The following ADAMTS6 variants were observed in gnomAD, a reference collection of about 807,000 sequenced individuals.
ADAMTS6 encodes A disintegrin and metalloproteinase with thrombospondin motifs 6.
ADAMTS6 carries 23 observed loss-of-function variants against 144.3 expected under a neutral mutation model. The observed-to-expected ratio is 0.16, with a 90% CI of 0.11 to 0.23. The LOEUF (loss-of-function observed/expected upper bound fraction) is 0.23, where lower values mean the gene tolerates loss of function less well. ADAMTS6 is among the 10% of genes least tolerant of loss of function. The probability of loss-of-function intolerance (pLI) is 1.00; values close to 1 mark genes in which losing one functional copy is unlikely to be tolerated. For synonymous variants in ADAMTS6, 444 were observed against 457.5 expected (o/e 0.97, Z 0.38); for missense variants, 999 against 1,379.6 (o/e 0.72, Z 4.37).
chr5:65,359,908 G>A (rs1478449444), intron 7 of ADAMTS6, among the ~76,000 whole-genome samples: 3 of 152,096 alleles, frequency 2.0e-5, no homozygotes, highest in Non-Finnish European at 4.4e-5. Context: ...GGATACATAC[G>A]TTTTCGAGAT....
Position 65,215,501 on chromosome 5 carries a change from C to CA in ADAMTS6, c.2273-15dup. On this transcript the variant is annotated splice_polypyrimidine_tract_variant and intron_variant, in intron 18 of 24. Coordinates refer to ENST00000381055, the MANE Select transcript of ADAMTS6 (RefSeq NM_197941.4). ...CAGATTTTAAAGCTAGAAAACAAAT[C>CA]ACAATTCACCTAAAAATGTGAAATT... 6.3e-7 allele frequency: 1 copy of CA among 1,594,012 alleles called. No individual in the cohort carries two copies. Among genetic ancestry groups the CA allele is most frequent in the Non-Finnish European group, 8.5e-7 (1 of 1,171,498 alleles).
chr5:65,443,776 A>T lies in ADAMTS6; in HGVS notation c.1073+7699T>A, dbSNP rs544602022. 3.6e-4 allele frequency among the ~76,000 whole-genome samples: 48 copies of T among 135,164 alleles called. 1 individual carries two copies. The highest frequency in any genetic ancestry group is 2.8e-3 in the East Asian group (13 of 4,618). 88.7% of individuals were successfully genotyped at this position (135,164 alleles called of 152,430 possible). ...ATATTCCAACACCCATTCCTGATTT[A>T]AAAAAAAAAAAAACTCTCAGCAAAC... On this transcript the variant is annotated intron_variant, in intron 7 of 24. Coordinates refer to ENST00000381055, the MANE Select transcript of ADAMTS6 (RefSeq NM_197941.4).
chr5:65,178,693 A>C (rs1323064691), intron 22 of ADAMTS6, among the ~76,000 whole-genome samples: 1 of 152,218 alleles, frequency 6.6e-6, no homozygotes, highest in South Asian at 2.1e-4. Flanking sequence ...TTAGCACAAG[A>C]AGCAGATAAA....
intron 7 of ADAMTS6, among the ~76,000 whole-genome samples, chr5:65,437,282 G>C (rs1185330255): frequency 6.6e-6 from 1 of 151,994 alleles, no homozygotes; most frequent in Non-Finnish European, 1.5e-5. Context: ...TTTTAGTAGA[G>C]ACAGGGTCTC....
intron 7 of ADAMTS6, among the ~76,000 whole-genome samples, chr5:65,345,941 G>GCA (rs545363915): frequency 1.6e-4 from 24 of 151,758 alleles, no homozygotes; most frequent in Non-Finnish European, 3.0e-4. Flanking sequence ...TGCCATTCTG[G>GCA]CACTCAAAAA....
intron 4 of ADAMTS6, among the ~76,000 whole-genome samples, chr5:65,458,859 T>G (rs1215381187): frequency 6.6e-6 from 1 of 152,204 alleles, no homozygotes; most frequent in Non-Finnish European, 1.5e-5. Context: ...AATAACACTT[T>G]AGTGTACTAG....
intron 21 of ADAMTS6, among the ~76,000 whole-genome samples, chr5:65,191,080 T>C (rs1232685155): frequency 6.6e-6 from 1 of 152,144 alleles, no homozygotes; most frequent in Non-Finnish European, 1.5e-5. Flanking sequence ...TCTGGGAATA[T>C]AAATTGCCGA....
intron 10 of ADAMTS6, among the ~76,000 whole-genome samples, chr5:65,297,855 C>CATCT (rs1742992710): frequency 6.6e-6 from 1 of 152,120 alleles, no homozygotes; most frequent in Admixed American, 6.6e-5. Context: ...TTGTGCTTCA[C>CATCT]ATCTATCTTT....
intron 8 of ADAMTS6, among the ~76,000 whole-genome samples, chr5:65,333,122 T>G (rs1746937504): frequency 6.6e-6 from 1 of 152,160 alleles, no homozygotes; most frequent in South Asian, 2.1e-4. Flanking sequence ...TCATAACTAT[T>G]GTTTTACAGA....
chr5:65,479,270 G>GCT (rs1386579552), intron 1 of ADAMTS6, among the ~76,000 whole-genome samples: 1 of 151,952 alleles, frequency 6.6e-6, no homozygotes, highest in Non-Finnish European at 1.5e-5. Flanking sequence ...ACACAATTAG[G>GCT]CTCTAAGTAT....
chr5:65,256,844 T>C (rs748984521), intron 14 of ADAMTS6, among the ~76,000 whole-genome samples: 1 of 152,140 alleles, frequency 6.6e-6, no homozygotes, highest in Non-Finnish European at 1.5e-5. Flanking sequence ...ATATTGTAGA[T>C]AGGTATTCAG....
At chr5:65,193,409 G>C (rs1755134242) in intron 21 of ADAMTS6, among the ~76,000 whole-genome samples, 1 of 151,758 alleles carries the variant, frequency 6.6e-6, no homozygotes, top group African/African-American at 2.4e-5. Context: ...AGTTCAATAG[G>C]ACAGGCCATG....
At chr5:65,461,076 G>T (rs565833934) in intron 3 of ADAMTS6, among the ~76,000 whole-genome samples, 4 of 152,242 alleles carry the variant, frequency 2.6e-5, no homozygotes, top group Admixed American at 6.5e-5. Context: ...TGAGGGTACT[G>T]GAATTCAAAG....
At chr5:65,460,486 CAATT>C (rs1220813245) in intron 3 of ADAMTS6, 148 bp from the exon 4 acceptor site, 3 of 673,782 alleles carry the variant, frequency 4.5e-6, no homozygotes, top group African/African-American at 1.8e-5. Flanking sequence ...TATCTGTACT[CAATT>C]AAAACATTAT....
chr5:65,358,358 T>A (rs1362985513), intron 7 of ADAMTS6, among the ~76,000 whole-genome samples: 1 of 151,938 alleles, frequency 6.6e-6, no homozygotes, highest in Non-Finnish European at 1.5e-5. Flanking sequence ...ACAGGTAACA[T>A]CATATTGAGT....
At position 65,170,717 on chromosome 5, in the gene ADAMTS6, G is replaced by A. The variant is rs1753564572; in HGVS notation, c.3144C>T (p.Tyr1048=). Residue 1048 remains tyrosine, a synonymous_variant, in exon 24 of 25, where the codon TAC becomes TAT. Coordinates refer to ENST00000381055, the MANE Select transcript of ADAMTS6 (RefSeq NM_197941.4). ...GACAGTCACTAGATGCCTGTCCGGT[G>A]TAGGAGAGACACTGCACAGTTCTCA... ...QQMRTVQCLS[Y]TGQASSDCLE... The A allele has an allele frequency of 1.2e-6, 2 of 1,614,042 alleles. No homozygotes were observed. The highest frequency in any genetic ancestry group is 1.3e-5 in the African/African-American group (1 of 74,918).
chr5:65,216,820 G>T (rs895573324), intron 18 of ADAMTS6, among the ~76,000 whole-genome samples: 1 of 127,164 alleles, frequency 7.9e-6, no homozygotes, highest in Admixed American at 7.3e-5. Context: ...CAGTTTAAAA[G>T]CACATGTAGC....
Position 65,462,686 on chromosome 5 carries a change from G to A in ADAMTS6, c.463-2348C>T, listed in dbSNP as rs141680135. Among the ~76,000 whole-genome samples, 596 of 152,192 alleles carry A rather than the reference G, an allele frequency of 3.9e-3. 3 individuals are homozygous for A. The highest frequency in any genetic ancestry group is 0.013 in the African/African-American group (553 of 41,520). ...TTTTTCACAAAATATGCTTTCTCAA[G>A]TGCCTATCACAAGGCAGATACTATG... is the stretch of plus-strand genomic sequence containing the variant. On this transcript the variant is annotated intron_variant, in intron 3 of 24. Transcript: ENST00000381055.
chr5:65,408,163 G>A (rs536093172), intron 7 of ADAMTS6, among the ~76,000 whole-genome samples: 2 of 152,274 alleles, frequency 1.3e-5, no homozygotes, highest in East Asian at 3.9e-4. Flanking sequence ...AACCTTAAAT[G>A]TAAATGGGCT....
Sources: gnomAD v4.1 joint callset for allele counts (sites outside exome capture counted in the v4.1 genomes callset) on GRCh38, gnomAD v4.1.1 for gene constraint, MANE v1.5 for transcripts, NCBI Gene and HGNC (gene_info 2026-07-23, HGNC 2026-07-21) for gene names.